The following MMS19 variants were observed in gnomAD, a reference collection of about 807,000 sequenced individuals.
MMS19 encodes the protein MMS19 cytosolic iron-sulfur assembly component.
Under a neutral mutation model 129.8 loss-of-function variants are expected in MMS19, and 77 were observed. That is an observed-to-expected ratio of 0.59 (90% CI 0.49 to 0.72). The LOEUF is 0.72. Among genes scored for constraint, MMS19 ranks in the 30% least tolerant of loss-of-function variants. MMS19 has a pLI of 0.00. For missense variants in MMS19, 1,168 were observed against 1,266.3 expected, an observed-to-expected ratio of 0.92 and a Z score of 1.18; for synonymous variants, 491 against 502.8, an observed-to-expected ratio of 0.98 and a Z score of 0.31.
chr10:97,458,486 G>T lies in MMS19; in HGVS notation c.*206C>A. The T allele has an allele frequency of 1.7e-6, 1 of 586,572 alleles. No individual in the cohort carries two copies. Among genetic ancestry groups the T allele is most frequent in the East Asian group, 2.8e-5 (1 of 35,644 alleles). 36.3% of individuals were successfully genotyped at this position (586,572 alleles called of 1,614,324 possible). A position where few individuals can be genotyped will look rare whatever the true frequency, so the allele number is the denominator to read the frequency against. On this transcript the variant is annotated 3_prime_UTR_variant, in exon 31 of 31. Transcript: ENST00000438925. ...CCTAGATCTTTCTTCAAACGCAAGT[G>T]TCTCACACACACTTATTTTACAAAT...
intron 1 of MMS19, among the ~76,000 whole-genome samples, chr10:97,488,382 T>C (rs755576273): frequency 4.6e-5 from 7 of 152,142 alleles, no homozygotes; most frequent in Non-Finnish European, 1.0e-4. Context: ...CAATATAACA[T>C]CTTTAGAATT....
At chr10:97,480,456 C>T in intron 3 of MMS19, 1 of 379,134 alleles carries the variant, frequency 2.6e-6, no homozygotes, top group South Asian at 2.0e-5. Flanking sequence ...CCTTTTTCCC[C>T]CTCAGGACCT....
chr10:97,489,585 T>C (rs910839212), intron 1 of MMS19, among the ~76,000 whole-genome samples: 1 of 152,186 alleles, frequency 6.6e-6, no homozygotes, highest in Non-Finnish European at 1.5e-5. Flanking sequence ...TTAACTAAAC[T>C]CTAGGCTTTA....
chr10:97,477,361 C>T lies in MMS19; in HGVS notation c.479G>A (p.Arg160Gln), dbSNP rs757720091. ...TVYNIITNFM[R>Q]TREEELKSLG... ...CTGTCTCTTACCTTCTTCCCGGGTT[C>T]GCATAAAATTGGTGATGATATTGTA... Residue 160 changes from arginine (R) to glutamine (Q), a missense_variant, in exon 6 of 31, where the codon CGA becomes CAA. Physicochemically the swap from Arg to Gln is conservative, Grantham distance 43 (BLOSUM62 1). Transcript: ENST00000438925. 20 of 1,613,784 alleles carry T rather than the reference C, an allele frequency of 1.2e-5. No homozygotes were observed. The highest frequency in any genetic ancestry group is 1.6e-5 in the Non-Finnish European group (19 of 1,179,888).
chr10:97,467,481 C>T (rs2033753537), intron 14 of MMS19, 24 bp downstream of exon 14: 1 of 1,573,000 alleles, frequency 6.4e-7, no homozygotes, highest in South Asian at 1.1e-5. Flanking sequence ...GTCCCCAGAG[C>T]ACTGCAATGG....
chr10:97,484,196 C>G, intron 1 of MMS19, 45 bp from the exon 2 acceptor site: 1 of 1,272,360 alleles, frequency 7.9e-7, no homozygotes, highest in East Asian at 2.5e-5. Flanking sequence ...AAAAAAAAAC[C>G]TACCAAAGGG....
intron 3 of MMS19, chr10:97,480,173 T>C: frequency 2.5e-6 from 1 of 406,704 alleles, no homozygotes; most frequent in Non-Finnish European, 4.8e-6. Context: ...ATGACATGCC[T>C]AGTCAAACCA....
At chr10:97,495,572 A>G (rs1377951412) in intron 1 of MMS19, among the ~76,000 whole-genome samples, 3 of 152,218 alleles carry the variant, frequency 2.0e-5, no homozygotes, top group African/African-American at 7.2e-5. Context: ...AACCCTAACT[A>G]GGGCTGTGAT....
intron 16 of MMS19, 50 bp from the exon 17 acceptor site, chr10:97,466,209 T>C: frequency 6.9e-7 from 1 of 1,449,086 alleles, no homozygotes; most frequent in Non-Finnish European, 9.5e-7. Context: ...CTCACAGCTC[T>C]CTTGCCTACG....
chr10:97,470,680 G>C (rs2034506724), intron 9 of MMS19, 95 bp downstream of exon 9: 6 of 753,594 alleles, frequency 8.0e-6, no homozygotes, highest in Non-Finnish European at 1.4e-5. Context: ...GCCCTAAAAT[G>C]TATACCAGAT....
At chr10:97,469,185 T>G in intron 11 of MMS19, 81 bp from the exon 12 acceptor site, 1 of 1,485,970 alleles carries the variant, frequency 6.7e-7, no homozygotes, top group Non-Finnish European at 8.9e-7. Context: ...ATTTCCTTGT[T>G]GGAGAGGGGA....
chr10:97,466,440 A>G (rs1476389685), intron 16 of MMS19, 64 bp downstream of exon 16: 2 of 1,309,270 alleles, frequency 1.5e-6, no homozygotes, highest in African/African-American at 1.5e-5. Context: ...TCCTAGCTTG[A>G]TCTTTTGCTG....
At chr10:97,468,227 T>C (rs1564639223) in intron 13 of MMS19, 25 bp downstream of exon 13, 1 of 1,520,394 alleles carries the variant, frequency 6.6e-7, no homozygotes, top group Admixed American at 2.0e-5. Context: ...TCCCATCATT[T>C]CCCCCAAAGA....
rs936960439 is a variant in MMS19 at position 97,466,987 on chromosome 10, T to C, written c.1298-86A>G. 2.6e-6 allele frequency: 4 copies of C among 1,534,546 alleles called. No individual in the cohort carries two copies. The Admixed American group carries it at 7.6e-5, about 29-fold the overall frequency. On this transcript the variant is annotated intron_variant, in intron 14 of 30. Transcript: ENST00000438925. Reference sequence around the variant, plus strand: ...GCTGTGATACACAGCCAACCTGGGGTAGATTTTTTTTTTGAGACAAGGCCT... The same window carrying C: ...GCTGTGATACACAGCCAACCTGGGGCAGATTTTTTTTTTGAGACAAGGCCT...
intron 10 of MMS19, 94 bp from the exon 11 acceptor site, chr10:97,469,817 G>C: frequency 2.9e-6 from 3 of 1,043,200 alleles, no homozygotes; most frequent in Non-Finnish European, 4.4e-6. Flanking sequence ...AGGAGCCCTG[G>C]TCTCAGCAGA....
At position 97,461,418 on chromosome 10, in the gene MMS19, AAG is replaced by A. The variant is rs29001327; in HGVS notation, c.2311+76_2311+77del. On this transcript the variant is annotated intron_variant, in intron 23 of 30. Coordinates refer to ENST00000438925, the MANE Select transcript of MMS19 (RefSeq NM_022362.5). Reference sequence around the variant, plus strand: ...ATGTTATTAGCAAGCTCCTTTTAAAAAGAGAATGAGTACTGAGCTATAAGATT... The same window carrying A: ...ATGTTATTAGCAAGCTCCTTTTAAAAAGAATGAGTACTGAGCTATAAGATT... The A allele has an allele frequency of 9.6e-3, 14,562 of 1,512,334 alleles. 117 individuals are homozygous for A. Among genetic ancestry groups the A allele is most frequent in the East Asian group, 0.028 (1,191 of 42,164 alleles). 93.7% of individuals were successfully genotyped at this position (1,512,334 alleles called of 1,614,324 possible).
intron 1 of MMS19, among the ~76,000 whole-genome samples, chr10:97,487,121 G>A (rs1346288713): frequency 2.0e-5 from 3 of 151,494 alleles, no homozygotes; most frequent in South Asian, 2.1e-4. Context: ...AATCAGTGGT[G>A]CAAAAATAGA....
At chr10:97,495,494 AT>A (rs1226806970) in intron 1 of MMS19, among the ~76,000 whole-genome samples, 1 of 152,210 alleles carries the variant, frequency 6.6e-6, no homozygotes, top group East Asian at 1.9e-4. Flanking sequence ...ACAAAGCTTG[AT>A]TTAGGCTGAA....
intron 10 of MMS19, 150 bp downstream of exon 10, chr10:97,469,978 TG>T: frequency 1.5e-6 from 1 of 662,352 alleles, no homozygotes; most frequent in Non-Finnish European, 2.7e-6. Context: ...GATATGCAGC[TG>T]GGGGCTTCAG....
Sources: gnomAD v4.1 joint callset for allele counts (sites outside exome capture counted in the v4.1 genomes callset) on GRCh38, gnomAD v4.1.1 for gene constraint, MANE v1.5 for transcripts, NCBI Gene and HGNC (gene_info 2026-07-23, HGNC 2026-07-21) for gene names.